The following ARHGAP10 variants were observed in gnomAD, a reference collection of about 807,000 sequenced individuals.
ARHGAP10 encodes rho GTPase-activating protein 10.
In ARHGAP10, 87 loss-of-function variants were observed where a neutral mutation model predicts 108.6. The ratio of observed to expected loss-of-function variants is 0.80; its 90% CI spans 0.67 to 0.96. The LOEUF (loss-of-function observed/expected upper bound fraction) is 0.96. Ranked by LOEUF, ARHGAP10 falls within the 40% of genes least tolerant of loss-of-function variation. The pLI is 0.00. For synonymous variants in ARHGAP10, 347 were observed against 341.1 expected (o/e 1.02, Z -0.19); for missense variants, 939 against 954.5 (o/e 0.98, Z 0.21).
At chr4:147,786,573 T>A (rs1284185634) in intron 1 of ARHGAP10, among the ~76,000 whole-genome samples, 7 of 152,222 alleles carry the variant, frequency 4.6e-5, no homozygotes, top group African/African-American at 1.7e-4. Context: ...TGAGTTTCAA[T>A]GTACAGCAGT....
chr4:147,777,157 A>G (rs1730329259), intron 1 of ARHGAP10, among the ~76,000 whole-genome samples: 1 of 152,056 alleles, frequency 6.6e-6, no homozygotes, highest in Non-Finnish European at 1.5e-5. Context: ...CGTTTCAGCT[A>G]TGTATCTCTG....
chr4:148,039,980 T>G (rs1241139558), intron 19 of ARHGAP10, among the ~76,000 whole-genome samples: 1 of 152,206 alleles, frequency 6.6e-6, no homozygotes, highest in East Asian at 1.9e-4. Context: ...AGTTTTCTGT[T>G]TTTAGAAGTT....
intron 1 of ARHGAP10, among the ~76,000 whole-genome samples, chr4:147,733,018 A>G (rs1728284360): frequency 1.3e-5 from 2 of 152,218 alleles, no homozygotes; most frequent in South Asian, 4.2e-4. Flanking sequence ...CAAACCAGAA[A>G]GTCCACCTGG....
intron 22 of ARHGAP10, among the ~76,000 whole-genome samples, chr4:148,066,787 A>T (rs1578845807): frequency 6.6e-6 from 1 of 152,180 alleles, no homozygotes; most frequent in African/African-American, 2.4e-5. Flanking sequence ...AGCGGCAGGG[A>T]TGGCCACAAC....
intron 1 of ARHGAP10, among the ~76,000 whole-genome samples, chr4:147,763,423 TGCCTCA>T (rs1295431829): frequency 5.9e-5 from 9 of 151,816 alleles, no homozygotes; most frequent in Non-Finnish European, 1.3e-4. Context: ...GCGATTCTCC[TGCCTCA>T]GCCTCTCGAG....
chr4:147,827,175 T>A (rs1036973461), intron 3 of ARHGAP10, among the ~76,000 whole-genome samples: 4 of 147,262 alleles, frequency 2.7e-5, no homozygotes, highest in Non-Finnish European at 4.4e-5. Context: ...TAGTCACTGA[T>A]CACTTTTTTT....
At position 147,902,574 on chromosome 4, in the gene ARHGAP10, C is replaced by G. The variant is rs1435467735; in HGVS notation, c.1035-4064C>G. On this transcript the variant is annotated intron_variant, in intron 10 of 22. Coordinates refer to ENST00000336498, the MANE Select transcript of ARHGAP10 (RefSeq NM_024605.4). ...TGGCCAACATGGAGAAGCCCTGTCT[C>G]TACTAAAAATAGAAAAATTAGCTGG... Among the ~76,000 whole-genome samples, 3 of 152,040 alleles carry G rather than the reference C, an allele frequency of 2.0e-5. No individual in the cohort carries two copies. The East Asian group carries it at 5.8e-4, about 29-fold the overall frequency.
intron 1 of ARHGAP10, among the ~76,000 whole-genome samples, chr4:147,783,070 A>G (rs1730617991): frequency 7.0e-6 from 1 of 141,950 alleles, no homozygotes; most frequent in Non-Finnish European, 1.5e-5. Flanking sequence ...TATATATTAT[A>G]TAAATTATGT....
chr4:147,854,950 T>C, intron 4 of ARHGAP10: 1 of 842,258 alleles, frequency 1.2e-6, no homozygotes, highest in Non-Finnish European at 1.4e-6. Flanking sequence ...TTGATTTTCA[T>C]AGCCTTCTAT....
At chr4:147,971,287 ATGCATTAATTTGG>A (rs1390513791) in intron 18 of ARHGAP10, among the ~76,000 whole-genome samples, 1 of 152,156 alleles carries the variant, frequency 6.6e-6, no homozygotes, top group Non-Finnish European at 1.5e-5. Flanking sequence ...TATACTTGTT[ATGCATTAATTTGG>A]TGCATTTTTT....
chr4:148,064,650 G>C lies in ARHGAP10; in HGVS notation c.2272+143G>C, dbSNP rs557559715. 54 of 709,000 alleles carry C rather than the reference G, an allele frequency of 7.6e-5. No homozygotes were observed. In the East Asian group the frequency reaches 1.5e-3, roughly 20 times the overall value. The allele number at this position is 709,000 out of a possible 1,614,324, so 43.9% of individuals were successfully genotyped here. A position where few individuals can be genotyped will look rare whatever the true frequency, so the allele number is the denominator to read the frequency against. ...GCTTTGGACTGGATTAAGCGGCTGC[G>C]TTAGGCTCCCAGACCCCAATGCCAG... On this transcript the variant is annotated intron_variant, in intron 22 of 22. Transcript: ENST00000336498.
intron 20 of ARHGAP10, among the ~76,000 whole-genome samples, chr4:148,051,006 G>T (rs1230646627): frequency 6.6e-6 from 1 of 152,194 alleles, no homozygotes; most frequent in Non-Finnish European, 1.5e-5. Context: ...GATCACATAG[G>T]ACCCCAGTAG....
chr4:148,023,182 G>T, intron 18 of ARHGAP10, 81 bp from the exon 19 acceptor site: 2 of 1,511,222 alleles, frequency 1.3e-6, no homozygotes, highest in Non-Finnish European at 1.8e-6. Context: ...CAAATCAAAT[G>T]TTGTGGTGCT....
chr4:148,042,191 C>G (rs954703361), intron 19 of ARHGAP10, among the ~76,000 whole-genome samples: 2 of 152,176 alleles, frequency 1.3e-5, no homozygotes, highest in Admixed American at 6.5e-5. Flanking sequence ...ACACCCAGTT[C>G]CTAAGCCATG....
chr4:147,995,072 G>A (rs1159384651), intron 18 of ARHGAP10, among the ~76,000 whole-genome samples: 2 of 152,126 alleles, frequency 1.3e-5, no homozygotes. Context: ...AAGTCTATGT[G>A]TTTTTATCCA....
chr4:147,954,530 T>C (rs1267003465), intron 15 of ARHGAP10, among the ~76,000 whole-genome samples: 1 of 152,046 alleles, frequency 6.6e-6, no homozygotes, highest in East Asian at 1.9e-4. Context: ...TTTTTAAACA[T>C]TTGAAGCAGA....
intron 1 of ARHGAP10, among the ~76,000 whole-genome samples, chr4:147,797,755 G>T (rs1731377793): frequency 2.0e-5 from 3 of 151,990 alleles, no homozygotes; most frequent in Admixed American, 2.0e-4. Context: ...TTGTCACTTC[G>T]GTCTGATGTT....
intron 19 of ARHGAP10, among the ~76,000 whole-genome samples, chr4:148,043,766 G>GTATATATATGTA (rs1224867525): frequency 1.2e-4 from 17 of 141,640 alleles, no homozygotes; most frequent in African/African-American, 3.4e-4. Flanking sequence ...ATATATATGT[G>GTATATATATGTA]TATATATATG....
chr4:148,004,024 T>A (rs1472105736), intron 18 of ARHGAP10, among the ~76,000 whole-genome samples: 1 of 114,818 alleles, frequency 8.7e-6, no homozygotes, highest in African/African-American at 5.0e-5. Context: ...GGGTGTGAAC[T>A]GGAACATCCT....
Sources: allele counts gnomAD v4.1 joint callset (sites outside exome capture counted in the v4.1 genomes callset), GRCh38; gene constraint gnomAD v4.1.1; transcripts MANE v1.5; gene names NCBI Gene and HGNC (gene_info 2026-07-23, HGNC 2026-07-21).